The following TMPRSS11F variants were observed in gnomAD, a reference collection of about 807,000 sequenced individuals.
TMPRSS11F encodes the protein transmembrane serine protease 11F.
TMPRSS11F carries 47 observed loss-of-function variants against 60.2 expected under a neutral mutation model. The ratio of observed to expected loss-of-function variants is 0.78; its 90% CI spans 0.62 to 1.00. The LOEUF (loss-of-function observed/expected upper bound fraction) is 1.00. Among genes scored for constraint, TMPRSS11F ranks in the 50% least tolerant of loss-of-function variants. TMPRSS11F has a pLI of 0.00. For synonymous variants in TMPRSS11F, 166 were observed against 167.3 expected (o/e 0.99, Z 0.06); for missense variants, 519 against 522.9 (o/e 0.99, Z 0.07).
chr4:68,091,941 T>C (rs1343795227), intron 2 of TMPRSS11F, among the ~76,000 whole-genome samples: 8 of 151,798 alleles, frequency 5.3e-5, no homozygotes, highest in Non-Finnish European at 2.9e-5. Context: ...GGGACGCCAC[T>C]ACACCCGACT....
chr4:68,115,392 GA>G (rs1724499569), intron 1 of TMPRSS11F, among the ~76,000 whole-genome samples: 1 of 130,708 alleles, frequency 7.7e-6, no homozygotes, highest in African/African-American at 2.8e-5. Context: ...AGAAGAAGAA[GA>G]AAAGTTTCTC....
chr4:68,101,572 A>C (rs1284916697), intron 1 of TMPRSS11F, among the ~76,000 whole-genome samples: 1 of 152,170 alleles, frequency 6.6e-6, no homozygotes, highest in East Asian at 1.9e-4. Flanking sequence ...TATTTAGATG[A>C]CATTTAAATT....
chr4:68,072,224 AAAAAAAATATAT>A lies in TMPRSS11F; in HGVS notation c.514+87_514+98del, dbSNP rs1283552581. The stretch of plus-strand genomic sequence containing the variant: ...TTATATATATATATATATCTTCCAA[AAAAAAAATATAT>A]ATATATATATATATTGCTTACAAAA... On this transcript the variant is annotated intron_variant, in intron 5 of 9. Coordinates refer to ENST00000356291, the MANE Select transcript of TMPRSS11F (RefSeq NM_207407.2). The A allele has an allele frequency of 1.5e-3, 61 of 40,404 alleles. 8 individuals carry two copies. Among genetic ancestry groups the A allele is most frequent in the East Asian group, 5.3e-3 (4 of 760 alleles). The allele number at this position is 40,404 out of a possible 1,614,324, so 2.5% of individuals were successfully genotyped here.
chr4:68,090,676 A>C, intron 2 of TMPRSS11F, 35 bp from the exon 3 acceptor site: 2 of 1,571,486 alleles, frequency 1.3e-6, no homozygotes, highest in Non-Finnish European at 1.7e-6. Context: ...CTCATGGTTA[A>C]AGGTAATAAG....
chr4:68,065,008 T>G (rs1723295696), intron 7 of TMPRSS11F, 64 bp from the exon 8 acceptor site: 18 of 1,479,094 alleles, frequency 1.2e-5, no homozygotes, highest in Non-Finnish European at 1.6e-5. Flanking sequence ...AGACTGAGAC[T>G]GTATTTCTTC....
intron 2 of TMPRSS11F, among the ~76,000 whole-genome samples, chr4:68,091,097 C>T (rs1723920358): frequency 6.6e-6 from 1 of 152,088 alleles, no homozygotes; most frequent in Non-Finnish European, 1.5e-5. Context: ...ATTGTTTTCA[C>T]CTTCTTTTTT....
intron 9 of TMPRSS11F, 93 bp from the exon 10 acceptor site, chr4:68,054,160 G>T: frequency 8.8e-7 from 1 of 1,139,086 alleles, no homozygotes; most frequent in Non-Finnish European, 1.3e-6. Flanking sequence ...AAGGAAATTG[G>T]TACACAGACC....
intron 1 of TMPRSS11F, among the ~76,000 whole-genome samples, chr4:68,117,665 G>A (rs1724554833): frequency 2.0e-5 from 3 of 152,132 alleles, no homozygotes; most frequent in African/African-American, 7.2e-5. Flanking sequence ...AGAAAGTTGG[G>A]TGTCTCCACT....
chr4:68,090,354 A>G (rs910033614), intron 3 of TMPRSS11F, among the ~76,000 whole-genome samples, 169 bp downstream of exon 3: 3 of 152,156 alleles, frequency 2.0e-5, no homozygotes, highest in African/African-American at 7.2e-5. Flanking sequence ...AGTATACTGA[A>G]TATTTTATAC....
chr4:68,082,287 G>A (rs1723711934), intron 3 of TMPRSS11F, among the ~76,000 whole-genome samples: 1 of 152,174 alleles, frequency 6.6e-6, no homozygotes, highest in African/African-American at 2.4e-5. Flanking sequence ...TGAATTGGCA[G>A]GGGGATCTGC....
At chr4:68,120,695 C>A (rs1003272718) in intron 1 of TMPRSS11F, among the ~76,000 whole-genome samples, 6 of 151,078 alleles carry the variant, frequency 4.0e-5, no homozygotes, top group African/African-American at 1.5e-4. Flanking sequence ...GCCGAGAAAT[C>A]TTTATTGAAA....
intron 8 of TMPRSS11F, among the ~76,000 whole-genome samples, chr4:68,064,156 TGAG>T (rs1396595809): frequency 2.0e-5 from 3 of 151,556 alleles, no homozygotes; most frequent in Non-Finnish European, 4.4e-5. Context: ...GTTGAGCAGT[TGAG>T]GAGATTTCTT....
chr4:68,068,521 A>C (rs919851145), intron 7 of TMPRSS11F, 97 bp downstream of exon 7: 18 of 1,021,410 alleles, frequency 1.8e-5, no homozygotes, highest in Non-Finnish European at 2.4e-5. Context: ...GAATGGAGCA[A>C]AGGTTAAACT....
intron 1 of TMPRSS11F, among the ~76,000 whole-genome samples, chr4:68,104,522 C>T (rs1724259379): frequency 6.6e-6 from 1 of 152,106 alleles, no homozygotes; most frequent in South Asian, 2.1e-4. Context: ...CTTCTCCCTG[C>T]CATTGCCATG....
In TMPRSS11F at chr4:68,101,888, T is replaced by C. The variant is rs186350505; in HGVS notation, c.12-2850A>G. Among the ~76,000 whole-genome samples, 197 of 152,240 alleles carry C rather than the reference T, an allele frequency of 1.3e-3. 1 individual carries two copies. Among genetic ancestry groups the C allele is most frequent in the African/African-American group, 4.6e-3 (190 of 41,560 alleles). ...CATTTAGCATGAATCCTACATAGAA[T>C]ACAATTTTATTACCTATAGTCCTCA... On this transcript the variant is annotated intron_variant, in intron 1 of 9. Coordinates refer to ENST00000356291, the MANE Select transcript of TMPRSS11F (RefSeq NM_207407.2).
chr4:68,064,799 T>G lies in TMPRSS11F; in HGVS notation c.901A>C (p.Thr301Pro). 6.2e-7 allele frequency: 1 copy of G among 1,614,188 alleles called. No individual in the cohort carries two copies. ...ACTATATTTGAAAACTCAACTCCAG[T>G]AGAGAGCTGAACCAAAGCAATGTCA... ...ENDIALVQLS[T>P]GVEFSNIVQR... Residue 301 changes from threonine (T) to proline (P), a missense_variant, in exon 8 of 10, where the codon ACT (threonine) becomes CCT (proline). Thr to Pro is a conservative substitution (Grantham distance 38, BLOSUM62 -1). Transcript: ENST00000356291.
intron 7 of TMPRSS11F, 102 bp from the exon 8 acceptor site, chr4:68,065,046 C>G: frequency 8.2e-7 from 1 of 1,222,340 alleles, no homozygotes; most frequent in Non-Finnish European, 1.1e-6. Context: ...GCTCCTGAAA[C>G]ATTCTTTTGG....
At chr4:68,086,689 A>T (rs1723821642) in intron 3 of TMPRSS11F, among the ~76,000 whole-genome samples, 1 of 152,180 alleles carries the variant, frequency 6.6e-6, no homozygotes, top group African/African-American at 2.4e-5. Context: ...AGTTGACATT[A>T]CAACCAATCC....
chr4:68,061,013 A>G (rs1156497310), intron 8 of TMPRSS11F, among the ~76,000 whole-genome samples: 1 of 151,884 alleles, frequency 6.6e-6, no homozygotes, highest in Non-Finnish European at 1.5e-5. Flanking sequence ...TTTGAACTAG[A>G]AATGAGAAGG....
Sources: gnomAD v4.1 joint callset for allele counts (sites outside exome capture counted in the v4.1 genomes callset) on GRCh38, gnomAD v4.1.1 for gene constraint, MANE v1.5 for transcripts, NCBI Gene and HGNC (gene_info 2026-07-23, HGNC 2026-07-21) for gene names.